RBFOX3: variants seen among roughly 807,000 people sequenced by gnomAD.
RBFOX3 encodes RNA binding protein fox-1 homolog 3.
RBFOX3 carries 17 observed loss-of-function variants against 48.7 expected under a neutral mutation model. That is an observed-to-expected ratio of 0.35 (90% confidence interval 0.24 to 0.52). The LOEUF (loss-of-function observed/expected upper bound fraction) is 0.52. Among genes scored for constraint, RBFOX3 ranks in the 20% least tolerant of loss-of-function variants. RBFOX3 has a pLI of 0.94. For missense variants in RBFOX3, 382 were observed against 497.5 expected (o/e 0.77, Z 2.21); for synonymous variants, 212 against 209.5 (o/e 1.01, Z -0.10).
At chr17:79,542,810 C>T (rs2089902463) in intron 1 of RBFOX3, among the ~76,000 whole-genome samples, 1 of 152,042 alleles carries the variant, frequency 6.6e-6, no homozygotes, top group Non-Finnish European at 1.5e-5. Context: ...TTTTACAAAA[C>T]AAAAGAAATT....
intron 2 of RBFOX3, among the ~76,000 whole-genome samples, chr17:79,468,094 C>T (rs2076553514): frequency 6.6e-6 from 1 of 152,278 alleles, no homozygotes; most frequent in Non-Finnish European, 1.5e-5. Context: ...ACTGGTTAAC[C>T]ATGAGGGACT....
chr17:79,523,726 C>T (rs1398646318), intron 1 of RBFOX3, among the ~76,000 whole-genome samples: 1 of 152,158 alleles, frequency 6.6e-6, no homozygotes, highest in Non-Finnish European at 1.5e-5. Flanking sequence ...CTCACAACCC[C>T]GTGGGGTAGA....
chr17:79,261,261 C>G (rs1362105700), intron 3 of RBFOX3, among the ~76,000 whole-genome samples: 1 of 152,202 alleles, frequency 6.6e-6, no homozygotes, highest in Non-Finnish European at 1.5e-5. Context: ...ACTGATGTGT[C>G]TCCAGAGCCC....
intron 3 of RBFOX3, among the ~76,000 whole-genome samples, chr17:79,301,577 C>G (rs2075320868): frequency 6.6e-6 from 1 of 152,190 alleles, no homozygotes. Context: ...GGGAGGAGCA[C>G]CTCGCTGGAA....
intron 1 of RBFOX3, among the ~76,000 whole-genome samples, chr17:79,529,352 T>C (rs2087328614): frequency 6.6e-6 from 1 of 152,240 alleles, no homozygotes; most frequent in African/African-American, 2.4e-5. Context: ...AGACAGGGTT[T>C]GAATTCCCAG....
chr17:79,648,306 T>A, the RBFOX3 span, among the ~76,000 whole-genome samples: 2 of 152,120 alleles, frequency 1.3e-5, no homozygotes, highest in Non-Finnish European at 2.9e-5. Flanking sequence ...AATGGAGACC[T>A]AGAGCTTAGC....
At chr17:79,346,422 T>C (rs186930114) in intron 2 of RBFOX3, among the ~76,000 whole-genome samples, 194 of 152,340 alleles carry the variant, frequency 1.3e-3, no homozygotes, top group African/African-American at 4.4e-3. Flanking sequence ...GTTACATAAG[T>C]TCATGGATCT....
In RBFOX3 at chr17:79,094,491, TG is replaced by T; in HGVS notation, c.1036del (p.His346ThrfsTer25). The T allele has an allele frequency of 6.9e-7, 1 of 1,459,522 alleles. No homozygotes were observed. The allele number at this position is 1,459,522 out of a possible 1,614,324, so 90.4% of individuals were successfully genotyped here. A position where few individuals can be genotyped will look rare whatever the true frequency, so the allele number is the denominator to read the frequency against. ...GTAGGTCGCCGCGGGCCCGATGGTG[TG>T]ATGGTACGGGTCGGCAGCTGCGTAG... ...RVYAAADPYH[H>X]TIGPAATYSI... On this transcript the variant is annotated frameshift_variant, in exon 14 of 15. Transcript: ENST00000693108. LOFTEE classifies it high-confidence loss of function.
chr17:79,439,991 G>A (rs1177980586), intron 2 of RBFOX3, among the ~76,000 whole-genome samples: 1 of 152,182 alleles, frequency 6.6e-6, no homozygotes, highest in African/African-American at 2.4e-5. Flanking sequence ...GGCATCAAGC[G>A]GCAGGGGAGG....
chr17:79,294,237 C>A (rs1310638258), intron 3 of RBFOX3, among the ~76,000 whole-genome samples: 1 of 152,190 alleles, frequency 6.6e-6, no homozygotes, highest in Non-Finnish European at 1.5e-5. Context: ...AGAGCAAGTT[C>A]GTCAGATTAG....
chr17:79,521,339 TTCACACAC>T (rs1420266488), intron 1 of RBFOX3, among the ~76,000 whole-genome samples: 1 of 147,362 alleles, frequency 6.8e-6, no homozygotes, highest in Non-Finnish European at 1.5e-5. Flanking sequence ...CATACACACA[TTCACACAC>T]TCACACTCAG....
intron 1 of RBFOX3, among the ~76,000 whole-genome samples, chr17:79,518,939 G>C (rs2085652494): frequency 6.6e-6 from 1 of 152,236 alleles, no homozygotes; most frequent in Admixed American, 6.5e-5. Flanking sequence ...CAAATGAAGG[G>C]AGGGCCGAGG....
At chr17:79,219,155 C>T (rs1159466366) in intron 4 of RBFOX3, among the ~76,000 whole-genome samples, 1 of 152,174 alleles carries the variant, frequency 6.6e-6, no homozygotes, top group Non-Finnish European at 1.5e-5. Context: ...CCCTGGAGTT[C>T]CATGCTGCAG....
chr17:79,188,058 C>T (rs1476677281), intron 4 of RBFOX3, among the ~76,000 whole-genome samples: 6 of 152,186 alleles, frequency 3.9e-5, no homozygotes, highest in Non-Finnish European at 7.3e-5. Context: ...GCAGAAAAGC[C>T]GGCAGAGGGT....
chr17:79,273,358 G>T (rs1222693285), intron 3 of RBFOX3, among the ~76,000 whole-genome samples: 1 of 152,182 alleles, frequency 6.6e-6, no homozygotes, highest in Non-Finnish European at 1.5e-5. Context: ...CCTGAAACCT[G>T]GTGTCACAGG....
intron 3 of RBFOX3, among the ~76,000 whole-genome samples, chr17:79,248,655 C>T (rs776216877): frequency 3.3e-5 from 5 of 152,250 alleles, no homozygotes; most frequent in Non-Finnish European, 4.4e-5. Flanking sequence ...CCCACAGTGA[C>T]GGCCGGAGTG....
intron 4 of RBFOX3, among the ~76,000 whole-genome samples, chr17:79,179,123 C>T (rs963983311): frequency 6.6e-6 from 1 of 152,218 alleles, no homozygotes; most frequent in African/African-American, 2.4e-5. Context: ...GGTGGTGCTA[C>T]GTCTGCCACA....
In RBFOX3 at chr17:79,242,287, G is replaced by A. The variant is rs552645268; in HGVS notation, c.-73-6482C>T. ...GAGGCAGCTTTGAGAAACTCCCAGT[G>A]CACCACTCTCTTGTGTTACTTCAGA... On this transcript the variant is annotated intron_variant, in intron 3 of 14. Coordinates refer to ENST00000693108, the MANE Select transcript of RBFOX3 (RefSeq NM_001350451.2). This position sits in a 1 kb window ranked among gnomAD's most constrained non-coding sequence, Gnocchi z 5.8. Among the ~76,000 whole-genome samples, 2 of 152,238 alleles carry A rather than the reference G, an allele frequency of 1.3e-5. No individual in the cohort carries two copies. Among genetic ancestry groups the A allele is most frequent in the East Asian group, 3.9e-4 (2 of 5,174 alleles).
rs768511455 is a variant in RBFOX3, at chr17:79,390,267, G to A, written c.-174-82443C>T. 6.6e-6 allele frequency among the ~76,000 whole-genome samples: 1 copy of A among 152,210 alleles called. No homozygotes were observed. Among genetic ancestry groups the A allele is most frequent in the Non-Finnish European group, 1.5e-5 (1 of 68,028 alleles). ...ACACATCCCTCCGCCCCATCATCCT[G>A]CAATCCTTTAGCTGGCAGACACCAG... On this transcript the variant is annotated intron_variant, in intron 2 of 14. Transcript: ENST00000693108. The surrounding 1 kb of genome is among the most constrained non-coding windows in gnomAD (Gnocchi z 4.2).
Sources: allele counts gnomAD v4.1 joint callset (sites outside exome capture counted in the v4.1 genomes callset), GRCh38; gene constraint gnomAD v4.1.1; non-coding constraint Gnocchi (gnomAD v3.1); transcripts MANE v1.5; gene names NCBI Gene and HGNC (gene_info 2026-07-23, HGNC 2026-07-21).